Variants in RAB3GAP1 observed in about 807,000 individuals in gnomAD.
The protein encoded by RAB3GAP1 is rab3 GTPase-activating protein catalytic subunit.
A neutral mutation model predicts 130.7 loss-of-function variants in RAB3GAP1; 86 were observed. The observed-to-expected ratio is 0.66, with a 90% confidence interval of 0.55 to 0.79. The LOEUF (loss-of-function observed/expected upper bound fraction) is 0.79. Ranked by LOEUF, RAB3GAP1 falls within the 30% of genes least tolerant of loss-of-function variation. The pLI is 0.00. For missense variants in RAB3GAP1, 1,029 were observed against 1,169.4 expected (o/e 0.88, Z 1.75); for synonymous variants, 367 against 401.7 (o/e 0.91, Z 1.03).
Position 135,058,076 on chromosome 2 carries a change from C to T in RAB3GAP1, c.140C>T (p.Pro47Leu). 2 of 1,610,824 alleles carry T rather than the reference C, an allele frequency of 1.2e-6. No individual in the cohort carries two copies. Among genetic ancestry groups the T allele is most frequent in the African/African-American group, 1.3e-5 (1 of 74,924 alleles). ...CTGATTGGAAACTCTTTGGGAAAGCCACTCGAAAAGGTCAGATCTATTTGC... is the reference window on the plus strand; with the variant it reads ...CTGATTGGAAACTCTTTGGGAAAGCTACTCGAAAAGGTCAGATCTATTTGC... Reference protein sequence around the residue: ...WKLIGNSLGKPLEKGIFTSGT... With the variant: ...WKLIGNSLGKLLEKGIFTSGT... The change falls in exon 3 of 24, where the codon CCA becomes CTA. Residue 47 changes from proline to leucine, a missense_variant. This residue lies in a region of RAB3GAP1 where 510 missense variants were observed against 532.1 expected (regional missense o/e 0.96). Coordinates refer to ENST00000264158, the MANE Select transcript of RAB3GAP1 (RefSeq NM_012233.3).
chr2:135,063,531 C>CCAT (rs1689236967), intron 3 of RAB3GAP1, among the ~76,000 whole-genome samples: 1 of 152,128 alleles, frequency 6.6e-6, no homozygotes, highest in African/African-American at 2.4e-5. Context: ...ATGAATTTGA[C>CCAT]CATCCTAGGT....
At chr2:135,082,597 C>T (rs1325771899) in intron 3 of RAB3GAP1, among the ~76,000 whole-genome samples, 1 of 152,012 alleles carries the variant, frequency 6.6e-6, no homozygotes, top group African/African-American at 2.4e-5. Flanking sequence ...CCTGCCACCA[C>T]GCCCAGGTAA....
intron 3 of RAB3GAP1, among the ~76,000 whole-genome samples, chr2:135,086,675 TTTTTTTTTTTTC>T (rs1235034485): frequency 2.2e-5 from 3 of 137,338 alleles, no homozygotes; most frequent in African/African-American, 9.4e-5. Context: ...TTTTTTTTTT[TTTTTTTTTTTTC>T]CTTAGAGATA....
At chr2:135,172,682 C>A (rs910083163), downstream of RAB3GAP1, among the ~76,000 whole-genome samples, 2 of 152,170 alleles carry the variant, frequency 1.3e-5, no homozygotes, top group African/African-American at 4.8e-5. Flanking sequence ...GTGAATGATG[C>A]TGTCATTTAC....
At chr2:135,155,945 C>G (rs1256782816) in intron 19 of RAB3GAP1, among the ~76,000 whole-genome samples, 1 of 151,572 alleles carries the variant, frequency 6.6e-6, no homozygotes, top group Non-Finnish European at 1.5e-5. Flanking sequence ...CTAATTTAAT[C>G]AAGAAAAGGG....
intron 3 of RAB3GAP1, chr2:135,058,911 T>C (rs549578476): frequency 6.6e-6 from 1 of 152,256 alleles, no homozygotes; most frequent in Admixed American, 6.5e-5. Flanking sequence ...TCAATAGTAA[T>C]TTAATTATAA....
chr2:135,163,844 C>T (rs190955160), intron 22 of RAB3GAP1, among the ~76,000 whole-genome samples: 7 of 152,308 alleles, frequency 4.6e-5, no homozygotes, highest in Non-Finnish European at 8.8e-5. Context: ...TATTGTATGG[C>T]AAGGCATTTG....
At position 135,163,006 on chromosome 2, in the gene RAB3GAP1, T is replaced by A; in HGVS notation, c.2511T>A (p.Thr837=). The change falls in exon 22 of 24, where the codon ACT becomes ACA. Residue 837 remains threonine (T), a synonymous_variant. Coordinates refer to ENST00000264158, the MANE Select transcript of RAB3GAP1 (RefSeq NM_012233.3). ...KKLEEIIHQI[T]NVEALIARAR... Reference sequence around the variant, plus strand: ...GCCAGGAAATCATTCACCAGATTACTAATGTGGAAGCTCTCATTGCCAGAG... The same window carrying A: ...GCCAGGAAATCATTCACCAGATTACAAATGTGGAAGCTCTCATTGCCAGAG... 6.2e-7 allele frequency: 1 copy of A among 1,613,704 alleles called. No homozygotes were observed. The highest frequency in any genetic ancestry group is 8.5e-7 in the Non-Finnish European group (1 of 1,179,624).
intron 19 of RAB3GAP1, among the ~76,000 whole-genome samples, chr2:135,160,090 C>T (rs1692423619): frequency 6.6e-6 from 1 of 152,094 alleles, no homozygotes; most frequent in Admixed American, 6.6e-5. Flanking sequence ...GTAACATAAC[C>T]TTGCAAATAT....
intron 24 of RAB3GAP1, among the ~76,000 whole-genome samples, chr2:135,176,058 A>G (rs1282579660): frequency 2.6e-5 from 4 of 152,186 alleles, no homozygotes; most frequent in Admixed American, 2.6e-4. Context: ...TCCCCAAAAT[A>G]CGGTTTTTGG....
At chr2:135,099,628 CTT>C (rs1690397745) in intron 5 of RAB3GAP1, among the ~76,000 whole-genome samples, 1 of 151,150 alleles carries the variant, frequency 6.6e-6, no homozygotes, top group East Asian at 1.9e-4. Flanking sequence ...ATTTTGTTCT[CTT>C]TTATTTTCTT....
At chr2:135,052,820 C>A (rs565825615) in intron 2 of RAB3GAP1, among the ~76,000 whole-genome samples, 1 of 152,318 alleles carries the variant, frequency 6.6e-6, no homozygotes, top group African/African-American at 2.4e-5. Flanking sequence ...ACAACCGTTC[C>A]GGTTTTCATT....
intron 19 of RAB3GAP1, among the ~76,000 whole-genome samples, chr2:135,157,535 T>C: frequency 6.6e-6 from 1 of 152,118 alleles, no homozygotes; most frequent in East Asian, 1.9e-4. Flanking sequence ...GGGATGGGAC[T>C]GCAAGAAAAA....
Position 135,154,930 on chromosome 2 carries a change from T to G in RAB3GAP1, c.2289+1054T>G, listed in dbSNP as rs1692268973. On this transcript the variant is annotated intron_variant, in intron 19 of 23. Coordinates refer to ENST00000264158, the MANE Select transcript of RAB3GAP1 (RefSeq NM_012233.3). ...ACTTCAGAAGAGGGCACTTTGAAGCTATTTGTGATATTACTAGGAATAGAA... is the reference window on the plus strand; with the variant it reads ...ACTTCAGAAGAGGGCACTTTGAAGCGATTTGTGATATTACTAGGAATAGAA... Among the ~76,000 whole-genome samples, 3 of 152,188 alleles carry G rather than the reference T, an allele frequency of 2.0e-5. No homozygotes were observed. In the South Asian group the frequency reaches 6.2e-4, roughly 32 times the overall value.
chr2:135,081,361 T>TATATATATATATATAC (rs1216831944), intron 3 of RAB3GAP1, among the ~76,000 whole-genome samples: 36 of 71,230 alleles, frequency 5.1e-4, no homozygotes, highest in Non-Finnish European at 7.5e-4. Context: ...TATATATATA[T>TATATATATATATATAC]ACACACACGT....
At chr2:135,057,749 T>C (rs1438567608) in intron 2 of RAB3GAP1, among the ~76,000 whole-genome samples, 2 of 152,230 alleles carry the variant, frequency 1.3e-5, no homozygotes, top group African/African-American at 4.8e-5. Context: ...GATTCATCAA[T>C]TCTTAATTTA....
At chr2:135,067,936 C>T (rs990382260) in intron 3 of RAB3GAP1, among the ~76,000 whole-genome samples, 1 of 152,056 alleles carries the variant, frequency 6.6e-6, no homozygotes, top group Non-Finnish European at 1.5e-5. Flanking sequence ...AATAAGGTCT[C>T]ACTATGTTGC....
At chr2:135,106,001 G>A (rs1220007372) in intron 5 of RAB3GAP1, among the ~76,000 whole-genome samples, 2 of 150,968 alleles carry the variant, frequency 1.3e-5, no homozygotes, top group South Asian at 2.1e-4. Context: ...CCCGGCAGCT[G>A]CCCCGTCTGA....
intron 3 of RAB3GAP1, among the ~76,000 whole-genome samples, chr2:135,079,857 C>T (rs560097225): frequency 4.6e-5 from 7 of 152,200 alleles, no homozygotes; most frequent in African/African-American, 9.6e-5. Flanking sequence ...TGGCTGGGCG[C>T]GGTGGCTCAC....
Sources: gnomAD v4.1 joint callset for allele counts (sites outside exome capture counted in the v4.1 genomes callset) on GRCh38, gnomAD v4.1.1 for gene constraint, gnomAD v4.1.1 regional missense constraint, MANE v1.5 for transcripts, NCBI Gene and HGNC (gene_info 2026-07-23, HGNC 2026-07-21) for gene names.